Variants in SLC8A1 observed in about 807,000 individuals in gnomAD.
SLC8A1 encodes sodium/calcium exchanger 1.
Under a neutral mutation model 68.3 loss-of-function variants are expected in SLC8A1, and 18 were observed. The observed-to-expected ratio is 0.26, with a 90% CI of 0.18 to 0.39. The LOEUF is 0.39. Ranked by LOEUF, SLC8A1 falls within the 10% of genes least tolerant of loss-of-function variation. SLC8A1 has a pLI of 1.00. For synonymous variants in SLC8A1, 475 were observed against 415.5 expected (o/e 1.14, Z -1.74); for missense variants, 985 against 1,156.7 (o/e 0.85, Z 2.15).
intron 2 of SLC8A1, among the ~76,000 whole-genome samples, chr2:40,201,311 A>G (rs772777268): frequency 2.6e-5 from 4 of 152,010 alleles, no homozygotes; most frequent in Admixed American, 1.3e-4. Context: ...GTTCTAATCA[A>G]TATTTTTCTA....
chr2:40,301,912 G>A (rs1307219887), intron 2 of SLC8A1, among the ~76,000 whole-genome samples: 1 of 151,952 alleles, frequency 6.6e-6, no homozygotes, highest in African/African-American at 2.4e-5. Flanking sequence ...GCCCACGCTG[G>A]AGTGCAGTGG....
At chr2:40,337,389 C>T (rs539912804) in intron 2 of SLC8A1, 5 of 301,278 alleles carry the variant, frequency 1.7e-5, no homozygotes, top group Admixed American at 3.0e-5. Flanking sequence ...TTTTCTCACC[C>T]GAGGACCCTA....
rs1263530848 is a variant in SLC8A1 at position 40,193,935 on chromosome 2, A to G, written c.1809-16080T>C. On this transcript the variant is annotated intron_variant, in intron 2 of 7. Transcript: ENST00000406785. ...GAATAAATAAAGAAAAGTTGCTTTA[A>G]TTACTTTTCTGAAATTTCTCCTTCC... 2.6e-5 allele frequency among the ~76,000 whole-genome samples: 4 copies of G among 152,252 alleles called. No homozygotes were observed. The East Asian group carries it at 5.8e-4, about 22-fold the overall frequency.
At chr2:40,328,690 G>A (rs550998943) in intron 2 of SLC8A1, among the ~76,000 whole-genome samples, 2 of 152,262 alleles carry the variant, frequency 1.3e-5, no homozygotes, top group East Asian at 3.9e-4. Flanking sequence ...GTTCGCAAGC[G>A]TGTCATCTTT....
At chr2:40,352,014 T>C (rs1473341123) in intron 2 of SLC8A1, among the ~76,000 whole-genome samples, 1 of 152,160 alleles carries the variant, frequency 6.6e-6, no homozygotes, top group Non-Finnish European at 1.5e-5. Flanking sequence ...TAAGGAAACA[T>C]GAAAAGGTTT....
chr2:40,241,902 ATATGTT>A (rs1203110562), intron 2 of SLC8A1, among the ~76,000 whole-genome samples: 2 of 152,204 alleles, frequency 1.3e-5, no homozygotes. Flanking sequence ...TCTAAAAACA[ATATGTT>A]TATGTTGTTG....
In SLC8A1 at chr2:40,499,430, G is replaced by C. The variant is rs549162826; in HGVS notation, c.-25+12919C>G. Among the ~76,000 whole-genome samples the C allele has an allele frequency of 4.6e-5, 7 of 152,192 alleles. No homozygotes were observed. The East Asian group carries it at 1.4e-3, about 29-fold the overall frequency. On this transcript the variant is annotated intron_variant, in intron 1 of 7. Coordinates refer to the SLC8A1 transcript ENST00000402441. ...GGTAAATCACTGAGAAAAGTGTCTG[G>C]CACATAGGAATTGCTTTTGTGCCAA...
chr2:40,440,632 A>C (rs947539095), intron 1 of SLC8A1, among the ~76,000 whole-genome samples: 1 of 152,142 alleles, frequency 6.6e-6, no homozygotes, highest in East Asian at 1.9e-4. Context: ...ATTACTACCC[A>C]AAATCCATAA....
intron 1 of SLC8A1, among the ~76,000 whole-genome samples, chr2:40,493,353 G>A (rs1242049250): frequency 2.3e-5 from 3 of 131,686 alleles, no homozygotes; most frequent in Non-Finnish European, 4.8e-5. Context: ...TGTGGGGTGG[G>A]GGGGAGGGGG....
intron 2 of SLC8A1, among the ~76,000 whole-genome samples, chr2:40,350,863 A>G (rs1280956367): frequency 6.6e-6 from 1 of 152,034 alleles, no homozygotes; most frequent in Non-Finnish European, 1.5e-5. Flanking sequence ...ATAATCATGT[A>G]AAGAAAATAT....
intron 1 of SLC8A1, among the ~76,000 whole-genome samples, chr2:40,504,849 A>T (rs1376866702): frequency 6.6e-6 from 1 of 151,788 alleles, no homozygotes; most frequent in Non-Finnish European, 1.5e-5. Context: ...CCCTTTGTAC[A>T]CTCTTGGTGG....
intron 1 of SLC8A1, among the ~76,000 whole-genome samples, chr2:40,480,752 C>T (rs748976098): frequency 2.6e-5 from 4 of 152,066 alleles, no homozygotes; most frequent in Non-Finnish European, 5.9e-5. Flanking sequence ...GAGTCTCCTC[C>T]CAGTCCACAT....
intron 2 of SLC8A1, among the ~76,000 whole-genome samples, chr2:40,238,347 G>T (rs570251271): frequency 5.3e-5 from 8 of 152,198 alleles, no homozygotes; most frequent in South Asian, 2.1e-4. Flanking sequence ...CGCAGTATTC[G>T]GGTGGGAGTG....
At chr2:40,476,157 A>T (rs1003765234) in intron 1 of SLC8A1, among the ~76,000 whole-genome samples, 2 of 152,068 alleles carry the variant, frequency 1.3e-5, no homozygotes, top group Admixed American at 6.6e-5. Context: ...CAGAACTGTG[A>T]CTCTTTTCTA....
intron 1 of SLC8A1, among the ~76,000 whole-genome samples, chr2:40,463,841 C>CAT: frequency 2.6e-5 from 1 of 38,308 alleles, no homozygotes; most frequent in South Asian, 9.9e-4. Context: ...CACACACATA[C>CAT]ACACACACAC....
At chr2:40,174,501 A>G (rs541693879) in intron 4 of SLC8A1, among the ~76,000 whole-genome samples, 1 of 152,272 alleles carries the variant, frequency 6.6e-6, no homozygotes, top group South Asian at 2.1e-4. Flanking sequence ...TCAAAATATG[A>G]ACAGTTACAG....
At chr2:40,397,366 A>G (rs1687319942) in intron 2 of SLC8A1, among the ~76,000 whole-genome samples, 1 of 152,208 alleles carries the variant, frequency 6.6e-6, no homozygotes, top group Non-Finnish European at 1.5e-5. Flanking sequence ...CAGTTCCAAC[A>G]TGGAATAATT....
chr2:40,483,366 A>G (rs1704763871), intron 1 of SLC8A1, among the ~76,000 whole-genome samples: 1 of 152,098 alleles, frequency 6.6e-6, no homozygotes, highest in South Asian at 2.1e-4. Context: ...GAAGCTTATA[A>G]TCTAATACAC....
At chr2:40,159,378 C>A (rs1306742848) in intron 6 of SLC8A1, among the ~76,000 whole-genome samples, 1 of 152,134 alleles carries the variant, frequency 6.6e-6, no homozygotes, top group Admixed American at 6.6e-5. Flanking sequence ...GGTTGTTATA[C>A]AAATGCTCAT....
Sources: allele counts gnomAD v4.1 joint callset (sites outside exome capture counted in the v4.1 genomes callset), GRCh38; gene constraint gnomAD v4.1.1; transcripts MANE v1.5; gene names NCBI Gene and HGNC (gene_info 2026-07-23, HGNC 2026-07-21).